The following INPP5B variants were observed in gnomAD, a reference collection of about 807,000 sequenced individuals.
INPP5B encodes the protein type II inositol 1,4,5-trisphosphate 5-phosphatase.
In INPP5B, 90 loss-of-function variants were observed where a neutral mutation model predicts 118.5. The observed-to-expected ratio is 0.76, with a 90% CI of 0.64 to 0.90. INPP5B has a LOEUF of 0.90. Ranked by LOEUF, INPP5B falls within the 40% of genes least tolerant of loss-of-function variation. The probability of loss-of-function intolerance (pLI) is 0.00; values close to 1 mark genes in which losing one functional copy is unlikely to be tolerated. For synonymous variants in INPP5B, 385 were observed against 418.9 expected, an observed-to-expected ratio of 0.92 and a Z score of 0.99; for missense variants, 984 against 1,125.6, an observed-to-expected ratio of 0.87 and a Z score of 1.80.
chr1:37,897,362 G>T (rs1374548444), intron 7 of INPP5B, among the ~76,000 whole-genome samples: 4 of 150,274 alleles, frequency 2.7e-5, no homozygotes, highest in Non-Finnish European at 5.9e-5. Flanking sequence ...GGTAGACATG[G>T]GAGACTTTTC....
chr1:37,909,399 T>G (rs1644609176), intron 7 of INPP5B, among the ~76,000 whole-genome samples: 1 of 151,610 alleles, frequency 6.6e-6, no homozygotes. Flanking sequence ...TTCTATTACC[T>G]CCCCTCCTCA....
intron 6 of INPP5B, among the ~76,000 whole-genome samples, chr1:37,935,241 G>T (rs1645640215): frequency 7.3e-6 from 1 of 137,540 alleles, no homozygotes; most frequent in African/African-American, 2.7e-5. Flanking sequence ...GCCCAGGCTG[G>T]AGTGCAGTGG....
chr1:37,873,034 C>T lies in INPP5B; in HGVS notation c.2083G>A (p.Val695Met), dbSNP rs752460516. The change falls in exon 19 of 24, where the codon GTG (valine) becomes ATG (methionine). Residue 695 changes from valine (V) to methionine (M), a missense_variant. Val to Met is a conservative substitution (Grantham distance 21). Around this residue, in one of 2 missense-constraint regions of INPP5B, gnomAD observed 634 missense variants for 791.0 expected, o/e 0.80. Transcript: ENST00000373024. ...LDRGKDYFLS[V>M]SGNYLPSCFG... The stretch of plus-strand genomic sequence containing the variant: ...CAGCTGGGCAGGTAGTTCCCAGACA[C>T]AGACAAAAAGTAATCCTTTCCCCTG... 8.7e-6 allele frequency: 14 copies of T among 1,614,136 alleles called. No individual in the cohort carries two copies. In the East Asian group the frequency reaches 3.1e-4, roughly 36 times the overall value.
rs779844030 is a variant in INPP5B at position 37,945,721 on chromosome 1, G to A, written c.152+35C>T. ...AGGGTGCAGTGATGAACAACCCCAT[G>A]GCCCAGACAGGTGGGGACCAAGCCC... On this transcript the variant is annotated intron_variant, in intron 3 of 23. Transcript: ENST00000373024. 9 of 1,524,414 alleles carry A rather than the reference G, an allele frequency of 5.9e-6. No individual in the cohort carries two copies. The African/African-American group carries it at 1.2e-4, about 21-fold the overall frequency. 94.4% of individuals were successfully genotyped at this position (1,524,414 alleles called of 1,614,324 possible).
At chr1:37,919,810 G>A (rs1644991837) in intron 7 of INPP5B, among the ~76,000 whole-genome samples, 1 of 152,052 alleles carries the variant, frequency 6.6e-6, no homozygotes, top group South Asian at 2.1e-4. Flanking sequence ...AGGCGTGGTG[G>A]CAGGCGCCTA....
Position 37,872,941 on chromosome 1 carries a change from T to C in INPP5B, c.2176A>G (p.Ile726Val), listed in dbSNP as rs765247644. 3 of 1,613,046 alleles carry C rather than the reference T, an allele frequency of 1.9e-6. No individual in the cohort carries two copies. Among genetic ancestry groups the C allele is most frequent in the African/African-American group, 1.3e-5 (1 of 74,894 alleles). ...EPILDLPLET[I>V]SELTLMPVWT... ...GGCATATTACTCACCAGCTCACTAA[T>C]GGTTTCAAGTGGTAGGTCCAAGATT... Residue 726 changes from isoleucine to valine, a missense_variant, in exon 19 of 24, where the codon ATT (isoleucine) becomes GTT (valine). Around this residue, in one of 2 missense-constraint regions of INPP5B, gnomAD observed 634 missense variants for 791.0 expected, o/e 0.80. Transcript: ENST00000373024.
chr1:37,902,915 C>T (rs1477801401), intron 7 of INPP5B, among the ~76,000 whole-genome samples: 1 of 151,368 alleles, frequency 6.6e-6, no homozygotes, highest in East Asian at 1.9e-4. Context: ...CCAGGGAGCT[C>T]GAGGCTGCAG....
chr1:37,885,863 T>G (rs747616178), intron 12 of INPP5B, 38 bp from the exon 13 acceptor site: 1 of 1,587,300 alleles, frequency 6.3e-7, no homozygotes, highest in Non-Finnish European at 8.6e-7. Flanking sequence ...AATTCAAACT[T>G]AATTGTGTCA....
chr1:37,945,824 C>G lies in INPP5B; in HGVS notation c.84G>C (p.Gly28=), dbSNP rs1557737658. The stretch of plus-strand genomic sequence containing the variant: ...CCAGGAGGCGGCTCTGCCGGCTGTC[C>G]CCCTCACACAGCACACCTTGCACCG... ...VIAVQGVLCE[G]DSRQSRLLGL... Residue 28 remains glycine, a synonymous_variant, in exon 3 of 24, where the codon GGG becomes GGC. Coordinates refer to ENST00000373024, the MANE Select transcript of INPP5B (RefSeq NM_005540.3). The G allele has an allele frequency of 6.2e-7, 1 of 1,613,870 alleles. No homozygotes were observed.
At chr1:37,894,236 A>G (rs1643933477) in intron 7 of INPP5B, among the ~76,000 whole-genome samples, 1 of 151,952 alleles carries the variant, frequency 6.6e-6, no homozygotes, top group Admixed American at 6.6e-5. Flanking sequence ...CACTTCACCA[A>G]CTCCTGCTAT....
chr1:37,921,044 T>C (rs1645037044), intron 7 of INPP5B, among the ~76,000 whole-genome samples: 1 of 152,092 alleles, frequency 6.6e-6, no homozygotes, highest in African/African-American at 2.4e-5. Context: ...AGGTGGAGTT[T>C]GCAGTGAGCC....
At chr1:37,865,682 T>A in intron 22 of INPP5B, 79 bp downstream of exon 22, 1 of 1,497,492 alleles carries the variant, frequency 6.7e-7, no homozygotes, top group Non-Finnish European at 9.2e-7. Flanking sequence ...ATGCTGCACT[T>A]GAGGAACTGT....
rs1420241494 is a variant in INPP5B, at chr1:37,868,602, C to T, written c.2200G>A (p.Val734Ile). ...ETISELTLMP[V>I]WTGDDGSQLD... ...TGGCTCCCATCATCTCCAGTCCATA[C>T]TGGCATCAGAGTCTGGAAAGCAATC... The change falls in exon 20 of 24, where the codon GTA becomes ATA. Residue 734 changes from valine to isoleucine, a missense_variant. Physicochemically the swap from Val to Ile is conservative, Grantham distance 29. Coordinates refer to ENST00000373024, the MANE Select transcript of INPP5B (RefSeq NM_005540.3). The T allele has an allele frequency of 6.2e-7, 1 of 1,610,328 alleles. No individual in the cohort carries two copies. Among genetic ancestry groups the T allele is most frequent in the Non-Finnish European group, 8.5e-7 (1 of 1,176,540 alleles).
rs1035967301 is a variant in INPP5B, at chr1:37,945,697, G to A, written c.152+59C>T. 19 of 1,187,678 alleles carry A rather than the reference G, an allele frequency of 1.6e-5. No homozygotes were observed. The African/African-American group carries it at 2.5e-4, about 16-fold the overall frequency. The allele number at this position is 1,187,678 out of a possible 1,614,324, so 73.6% of individuals were successfully genotyped here. On this transcript the variant is annotated intron_variant, in intron 3 of 23. Transcript: ENST00000373024. Reference sequence around the variant, plus strand: ...GAGGGACAGTTGAAGTTCAGCTGGAGGGTGCAGTGATGAACAACCCCATGG... The same window carrying A: ...GAGGGACAGTTGAAGTTCAGCTGGAAGGTGCAGTGATGAACAACCCCATGG...
chr1:37,865,779 G>A lies in INPP5B; in HGVS notation c.2496C>T (p.Asn832=). 6.2e-7 allele frequency: 1 copy of A among 1,613,498 alleles called. No individual in the cohort carries two copies. Among genetic ancestry groups the A allele is most frequent in the Non-Finnish European group, 8.5e-7 (1 of 1,179,604 alleles). ...TYHNCLECSG[N]YTASKQVIST... ...CTCTCACCTGTTTGCTTGCTGTGTA[G>A]TTGCCAGAACACTCCAAGCAGTTAT... The change falls in exon 22 of 24, where the codon AAC becomes AAT. Residue 832 remains asparagine, a synonymous_variant. Transcript: ENST00000373024.
chr1:37,885,410 T>C (rs1046482671), intron 13 of INPP5B: 28 of 424,368 alleles, frequency 6.6e-5, no homozygotes, highest in Non-Finnish European at 1.1e-4. Context: ...CGCGACTCCA[T>C]CTCGAAAAAA....
At chr1:37,940,597 G>A (rs1645875442) in intron 6 of INPP5B, 91 bp downstream of exon 6, 1 of 737,540 alleles carries the variant, frequency 1.4e-6, no homozygotes, top group Admixed American at 2.2e-5. Flanking sequence ...AAACCATGGG[G>A]TAAGAGTCCA....
intron 14 of INPP5B, 86 bp from the exon 15 acceptor site, chr1:37,880,280 T>A: frequency 3.0e-6 from 3 of 999,402 alleles, no homozygotes; most frequent in Non-Finnish European, 4.6e-6. Flanking sequence ...CAATCTGGAA[T>A]TCAAACTCTA....
chr1:37,944,907 C>T (rs1276075272), intron 3 of INPP5B, among the ~76,000 whole-genome samples: 1 of 152,190 alleles, frequency 6.6e-6, no homozygotes, highest in African/African-American at 2.4e-5. Context: ...GCATGAGCTA[C>T]TGCACCTGGC....
Sources: gnomAD v4.1 joint callset for allele counts (sites outside exome capture counted in the v4.1 genomes callset) on GRCh38, gnomAD v4.1.1 for gene constraint, gnomAD v4.1.1 regional missense constraint, MANE v1.5 for transcripts, NCBI Gene and HGNC (gene_info 2026-07-23, HGNC 2026-07-21) for gene names.